Variants in ZDHHC3 observed in about 807,000 individuals in gnomAD.
ZDHHC3 encodes palmitoyltransferase ZDHHC3.
In ZDHHC3, 9 loss-of-function variants were observed where a neutral mutation model predicts 30.6. That is an observed-to-expected ratio of 0.29 (90% confidence interval 0.18 to 0.51). The LOEUF is 0.51. Among genes scored for constraint, ZDHHC3 ranks in the 20% least tolerant of loss-of-function variants. The probability of loss-of-function intolerance (pLI) is 0.97; values close to 1 mark genes in which losing one functional copy is unlikely to be tolerated. For synonymous variants in ZDHHC3, 136 were observed against 140.2 expected (o/e 0.97, Z 0.21); for missense variants, 246 against 384.2 (o/e 0.64, Z 3.01).
chr3:44,939,050 G>T (rs1702216401), intron 3 of ZDHHC3, among the ~76,000 whole-genome samples: 1 of 152,182 alleles, frequency 6.6e-6, no homozygotes, highest in African/African-American at 2.4e-5. Flanking sequence ...GATTCATACT[G>T]GTCTGCACCC....
At position 44,956,038 on chromosome 3, in the gene ZDHHC3, G is replaced by A. The variant is rs183420668; in HGVS notation, c.306+3093C>T. On this transcript the variant is annotated intron_variant, in intron 2 of 6. Coordinates refer to ENST00000424952, the MANE Select transcript of ZDHHC3 (RefSeq NM_001135179.2). ...CAGTCTGTGCCTCTCACTGCTTTGG[G>A]ATTGGAAGCTGGCAACACACCACAG... Among the ~76,000 whole-genome samples, 379 of 152,318 alleles carry A rather than the reference G, an allele frequency of 2.5e-3. 3 individuals are homozygous for A. Among genetic ancestry groups the A allele is most frequent in the Admixed American group, 6.3e-3 (97 of 15,306 alleles).
Position 44,918,239 on chromosome 3 carries a change from G to GA in ZDHHC3, c.*8449_*8450insT. On this transcript the variant is annotated 3_prime_UTR_variant, in exon 7 of 7. Transcript: ENST00000424952. Reference sequence around the variant, plus strand: ...AGCTATAGCATAGCAGTGGCGGGGGGGGGGGCGGGGTGTCCACGGCATGGG... The same window carrying GA: ...AGCTATAGCATAGCAGTGGCGGGGGGAGGGGGCGGGGTGTCCACGGCATGGG... The GA allele has an allele frequency of 8.2e-7, 1 of 1,216,360 alleles. No homozygotes were observed. The highest frequency in any genetic ancestry group is 1.1e-6 in the Non-Finnish European group (1 of 948,510). 75.3% of individuals were successfully genotyped at this position (1,216,360 alleles called of 1,614,324 possible).
intron 2 of ZDHHC3, among the ~76,000 whole-genome samples, chr3:44,951,249 T>C (rs574371487): frequency 1.3e-5 from 2 of 152,356 alleles, no homozygotes; most frequent in African/African-American, 2.4e-5. Context: ...TTAAAATAAG[T>C]GTGTAGAAGC....
chr3:44,966,401 A>G (rs910656299), intron 1 of ZDHHC3, among the ~76,000 whole-genome samples: 1 of 152,218 alleles, frequency 6.6e-6, no homozygotes, highest in East Asian at 1.9e-4. Flanking sequence ...ACTAATTCTT[A>G]CCACAGTTAA....
Position 44,917,267 on chromosome 3 carries a change from T to TGG in ZDHHC3, c.*9421_*9422insCC. ...TGTGTGTGTAGAGCTTAATGCAGGG[T>TGG]CCTCTTTGAACCATGCCTGGCCCTT... On this transcript the variant is annotated 3_prime_UTR_variant, in exon 7 of 7. Coordinates refer to ENST00000424952, the MANE Select transcript of ZDHHC3 (RefSeq NM_001135179.2). The TGG allele has an allele frequency of 1.3e-5, 2 of 154,794 alleles. No individual in the cohort carries two copies. Among genetic ancestry groups the TGG allele is most frequent in the Non-Finnish European group, 2.9e-5 (2 of 69,530 alleles). The allele number at this position is 154,794 out of a possible 1,614,324, so 9.6% of individuals were successfully genotyped here.
rs983866997 is a variant in ZDHHC3 at position 44,924,265 on chromosome 3, A to G, written c.*2424T>C. Reference sequence around the variant, plus strand: ...TGCTTTCCCTTCCTGTCCTGTGTGGAAGCCAGGCTGGGAACCAATCACTAC... The same window carrying G: ...TGCTTTCCCTTCCTGTCCTGTGTGGGAGCCAGGCTGGGAACCAATCACTAC... On this transcript the variant is annotated 3_prime_UTR_variant, in exon 7 of 7. Coordinates refer to ENST00000424952, the MANE Select transcript of ZDHHC3 (RefSeq NM_001135179.2). 1.8e-5 allele frequency: 18 copies of G among 985,362 alleles called. No homozygotes were observed. The African/African-American group carries it at 3.1e-4, about 17-fold the overall frequency. The allele number at this position is 985,362 out of a possible 1,614,324, so 61.0% of individuals were successfully genotyped here.
rs367843031 is a variant in ZDHHC3 at position 44,926,814 on chromosome 3, A to G, written c.775T>C (p.Trp259Arg). ...TTCATCCATTTTGTTTTTTTAGCCCATCTTCTCTCTTCCTTTTTCAATTGT... is the reference window on the plus strand; with the variant it reads ...TTCATCCATTTTGTTTTTTTAGCCCGTCTTCTCTCTTCCTTTTTCAATTGT... ...IEQLKKEERRWAKKTKWMNMK... is the reference protein window; with the variant it reads ...IEQLKKEERRRAKKTKWMNMK... The change falls in exon 7 of 7, where the codon TGG becomes CGG. Residue 259 changes from tryptophan (W) to arginine (R), a missense_variant. By Grantham distance (101) the Trp-to-Arg change is moderately radical. Coordinates refer to ENST00000424952, the MANE Select transcript of ZDHHC3 (RefSeq NM_001135179.2). 1.2e-5 allele frequency: 19 copies of G among 1,612,630 alleles called. No homozygotes were observed. Among genetic ancestry groups the G allele is most frequent in the Non-Finnish European group, 1.6e-5 (19 of 1,179,626 alleles).
intron 2 of ZDHHC3, among the ~76,000 whole-genome samples, chr3:44,949,663 A>G (rs1703261368): frequency 6.6e-6 from 1 of 152,160 alleles, no homozygotes; most frequent in African/African-American, 2.4e-5. Context: ...TCACCTTGAG[A>G]CATCCAACGG....
Position 44,920,754 on chromosome 3 carries a change from G to C in ZDHHC3, c.*5935C>G. The C allele has an allele frequency of 1.0e-6, 1 of 985,432 alleles. No individual in the cohort carries two copies. The highest frequency in any genetic ancestry group is 1.2e-6 in the Non-Finnish European group (1 of 829,938). The allele number at this position is 985,432 out of a possible 1,614,324, so 61.0% of individuals were successfully genotyped here. ...TTGCCATTCATGTGGCATGCTCCCAGATAGGCACTCTTGGATTATACTCAA... is the reference window on the plus strand; with the variant it reads ...TTGCCATTCATGTGGCATGCTCCCACATAGGCACTCTTGGATTATACTCAA... On this transcript the variant is annotated 3_prime_UTR_variant, in exon 7 of 7. Coordinates refer to ENST00000424952, the MANE Select transcript of ZDHHC3 (RefSeq NM_001135179.2).
intron 2 of ZDHHC3, among the ~76,000 whole-genome samples, chr3:44,947,385 C>A (rs1048834551): frequency 6.6e-6 from 1 of 152,168 alleles, no homozygotes; most frequent in East Asian, 1.9e-4. Flanking sequence ...AGTCCCCTGG[C>A]CTTGCTTTAA....
intron 4 of ZDHHC3, 160 bp from the exon 5 acceptor site, chr3:44,933,359 T>C (rs971284298): frequency 3.0e-6 from 2 of 665,292 alleles, no homozygotes; most frequent in Non-Finnish European, 5.3e-6. Context: ...TCCCTACAGA[T>C]CCGTCTACCC....
chr3:44,930,130 GC>G (rs1186970344), intron 5 of ZDHHC3, among the ~76,000 whole-genome samples: 6 of 152,244 alleles, frequency 3.9e-5, no homozygotes, highest in Admixed American at 1.3e-4. Flanking sequence ...CTGGCCTCCA[GC>G]CCCGGGGACC....
chr3:44,941,960 C>A (rs1393934431), intron 3 of ZDHHC3, among the ~76,000 whole-genome samples: 1 of 152,162 alleles, frequency 6.6e-6, no homozygotes, highest in Admixed American at 6.5e-5. Flanking sequence ...CACATGCTTC[C>A]ATGGTTCCTA....
chr3:44,960,456 T>C (rs1003377603), intron 1 of ZDHHC3, among the ~76,000 whole-genome samples: 13 of 152,238 alleles, frequency 8.5e-5, no homozygotes, highest in Admixed American at 2.6e-4. Flanking sequence ...AAAGCACTCT[T>C]TCTCTCTAGA....
chr3:44,975,124 CT>C (rs1274656155), intron 1 of ZDHHC3: 1 of 151,496 alleles, frequency 6.6e-6, no homozygotes, highest in East Asian at 1.9e-4. Context: ...TTGCTTTAAC[CT>C]GCCCTCCTTG....
chr3:44,934,877 A>G (rs1177545513), intron 3 of ZDHHC3, among the ~76,000 whole-genome samples: 1 of 146,070 alleles, frequency 6.8e-6, no homozygotes, highest in Non-Finnish European at 1.5e-5. Context: ...GGACAACAAG[A>G]GCAAAACTCT....
rs1237393644 is a variant in ZDHHC3, at chr3:44,915,484, T to TG, written c.*11204dup. ...GGTTAATTACCTACATAACCCTGGC[T>TG]GTGGCCCAGCCCAGCACCTCCCAGA... On this transcript the variant is annotated 3_prime_UTR_variant, in exon 7 of 7. Coordinates refer to ENST00000424952, the MANE Select transcript of ZDHHC3 (RefSeq NM_001135179.2). 2.6e-4 allele frequency: 40 copies of TG among 152,240 alleles called. No homozygotes were observed. Among genetic ancestry groups the TG allele is most frequent in the Admixed American group, 2.2e-3 (34 of 15,272 alleles). The allele number at this position is 152,240 out of a possible 1,614,324, so 9.4% of individuals were successfully genotyped here.
chr3:44,961,937 A>C (rs933169647), intron 1 of ZDHHC3, among the ~76,000 whole-genome samples: 1 of 152,156 alleles, frequency 6.6e-6, no homozygotes, highest in Non-Finnish European at 1.5e-5. Flanking sequence ...CTAGACATTT[A>C]CTCCCTGGCT....
intron 3 of ZDHHC3, 36 bp from the exon 4 acceptor site, chr3:44,934,020 C>A: frequency 3.1e-6 from 5 of 1,606,620 alleles, no homozygotes; most frequent in Non-Finnish European, 4.3e-6. Context: ...TTAGGGCATC[C>A]CCATGGTGTT....
Sources: gnomAD v4.1 joint callset for allele counts (sites outside exome capture counted in the v4.1 genomes callset) on GRCh38, gnomAD v4.1.1 for gene constraint, MANE v1.5 for transcripts, NCBI Gene and HGNC (gene_info 2026-07-23, HGNC 2026-07-21) for gene names.